The following VPS13B variants were observed in gnomAD, a reference collection of about 807,000 sequenced individuals.
The protein encoded by VPS13B is intermembrane lipid transfer protein VPS13B.
VPS13B carries 285 observed loss-of-function variants against 426.4 expected under a neutral mutation model. That is an observed-to-expected ratio of 0.67 (90% CI 0.61 to 0.74). The LOEUF is 0.74. Ranked by LOEUF, VPS13B falls within the 30% of genes least tolerant of loss-of-function variation. VPS13B has a pLI of 0.00. For synonymous variants in VPS13B, 1,676 were observed against 1,676.4 expected (o/e 1.00, Z 0.01); for missense variants, 4,537 against 4,782.6 (o/e 0.95, Z 1.51).
chr8:99,644,581 A>G (rs570509476), intron 34 of VPS13B, among the ~76,000 whole-genome samples: 1 of 152,202 alleles, frequency 6.6e-6, no homozygotes, highest in African/African-American at 2.4e-5. Flanking sequence ...TGGGGGGTAA[A>G]TGTAGGAGGA....
intron 39 of VPS13B, among the ~76,000 whole-genome samples, chr8:99,751,342 C>G (rs1294995004): frequency 6.6e-6 from 1 of 152,098 alleles, no homozygotes; most frequent in Non-Finnish European, 1.5e-5. Context: ...AGAAGAAGAT[C>G]TCTTCCACTG....
At chr8:99,792,054 A>G (rs768503145) in intron 43 of VPS13B, among the ~76,000 whole-genome samples, 3 of 152,190 alleles carry the variant, frequency 2.0e-5, no homozygotes, top group Non-Finnish European at 4.4e-5. Flanking sequence ...TGCATGGGGC[A>G]AACTGAATGC....
Position 99,200,976 on chromosome 8 carries a change from A to G in VPS13B, c.2515+7919A>G, listed in dbSNP as rs189087631. ...CTGATATTGATTCTTGGTCATCATCATTACTTTTAGTCCTTTTATTTTTTT... is the reference window on the plus strand; with the variant it reads ...CTGATATTGATTCTTGGTCATCATCGTTACTTTTAGTCCTTTTATTTTTTT... On this transcript the variant is annotated intron_variant, in intron 17 of 61. Transcript: ENST00000357162. 5.1e-4 allele frequency among the ~76,000 whole-genome samples: 77 copies of G among 152,100 alleles called. 1 individual carries two copies. The highest frequency in any genetic ancestry group is 1.9e-3 in the African/African-American group (77 of 41,536).
At chr8:99,090,472 G>T (rs1846083723) in intron 3 of VPS13B, among the ~76,000 whole-genome samples, 1 of 151,944 alleles carries the variant, frequency 6.6e-6, no homozygotes, top group Non-Finnish European at 1.5e-5. Flanking sequence ...GTTACACCAT[G>T]TTGGCCACAC....
chr8:99,675,926 G>A (rs1830914716), intron 35 of VPS13B, among the ~76,000 whole-genome samples: 1 of 151,852 alleles, frequency 6.6e-6, no homozygotes. Flanking sequence ...TACTTGTCAA[G>A]CAGTTCATAT....
At chr8:99,873,701 C>T (rs1427251669) in intron 61 of VPS13B, among the ~76,000 whole-genome samples, 8 of 152,196 alleles carry the variant, frequency 5.3e-5, no homozygotes, top group Admixed American at 5.2e-4. Context: ...CAAGAAAACT[C>T]AAGCTGCAGA....
At chr8:99,206,753 G>A (rs1003370534) in intron 17 of VPS13B, among the ~76,000 whole-genome samples, 1 of 152,106 alleles carries the variant, frequency 6.6e-6, no homozygotes, top group Admixed American at 6.6e-5. Context: ...AAAGGATTTT[G>A]GAGTTGTTGA....
rs117633033 is a variant in VPS13B at position 99,670,073 on chromosome 8, C to A, written c.6046+8582C>A. 2.1e-3 allele frequency among the ~76,000 whole-genome samples: 327 copies of A among 152,116 alleles called. 12 individuals carry two copies. The East Asian group carries it at 0.051, about 24-fold the overall frequency. On this transcript the variant is annotated intron_variant, in intron 35 of 61. Coordinates refer to ENST00000357162, the MANE Select transcript of VPS13B (RefSeq NM_152564.5). Reference sequence around the variant, plus strand: ...GTAGAAATTTTAAGTTGTTTACCCCCAAATAGATGTATTTTTTGAGTGCTT... The same window carrying A: ...GTAGAAATTTTAAGTTGTTTACCCCAAAATAGATGTATTTTTTGAGTGCTT...
intron 25 of VPS13B, among the ~76,000 whole-genome samples, chr8:99,485,713 AAC>A (rs1820265170): frequency 6.6e-6 from 1 of 152,212 alleles, no homozygotes; most frequent in Non-Finnish European, 1.5e-5. Context: ...TCTTATAATC[AAC>A]AGATTATCAG....
chr8:99,628,940 T>C (rs1828727658), intron 33 of VPS13B, among the ~76,000 whole-genome samples: 1 of 152,126 alleles, frequency 6.6e-6, no homozygotes, highest in South Asian at 2.1e-4. Flanking sequence ...ATTTTTTTTA[T>C]TTTTTGTAGT....
At chr8:99,073,663 A>G (rs1373354737) in intron 3 of VPS13B, among the ~76,000 whole-genome samples, 2 of 144,954 alleles carry the variant, frequency 1.4e-5, no homozygotes, top group Non-Finnish European at 3.0e-5. Context: ...AAAGCAGAGC[A>G]GTTTAACTTC....
chr8:99,188,626 A>G (rs1482905369), intron 16 of VPS13B, among the ~76,000 whole-genome samples: 3 of 152,142 alleles, frequency 2.0e-5, no homozygotes, highest in South Asian at 2.1e-4. Flanking sequence ...TGATAACTCA[A>G]TGTTCATCTT....
intron 21 of VPS13B, among the ~76,000 whole-genome samples, chr8:99,394,327 T>C (rs1814617008): frequency 6.6e-6 from 1 of 152,190 alleles, no homozygotes; most frequent in Non-Finnish European, 1.5e-5. Context: ...AAAGACCTGC[T>C]GATACTGCAC....
At chr8:99,821,146 A>G in intron 49 of VPS13B, 148 bp from the exon 50 acceptor site, 1 of 619,814 alleles carries the variant, frequency 1.6e-6, no homozygotes, top group African/African-American at 1.9e-5. Context: ...ACACACACAC[A>G]CACACACACA....
Position 99,103,105 on chromosome 8 carries a change from T to C in VPS13B, c.565T>C (p.Phe189Leu), listed in dbSNP as rs772480380. Residue 189 changes from phenylalanine (F) to leucine (L), a missense_variant, in exon 5 of 62, where the codon TTC becomes CTC. Phe to Leu is a conservative substitution (Grantham distance 22, BLOSUM62 0). Transcript: ENST00000357162. ...YTVGELWDRA[F>L]MDISATDLVL... ...AGTAGGTGAATTATGGGATCGTGCA[T>C]TCATGGATATTTCTGGTGAGTAAAT... 2.5e-6 allele frequency: 4 copies of C among 1,613,888 alleles called. No individual in the cohort carries two copies. The highest frequency in any genetic ancestry group is 3.4e-6 in the Non-Finnish European group (4 of 1,179,934).
At chr8:99,434,657 T>C (rs1817281728) in intron 22 of VPS13B, among the ~76,000 whole-genome samples, 1 of 152,182 alleles carries the variant, frequency 6.6e-6, no homozygotes, top group African/African-American at 2.4e-5. Context: ...GAGCCAATAA[T>C]CTTGATTTTA....
chr8:99,516,922 G>C (rs982031571), intron 29 of VPS13B, among the ~76,000 whole-genome samples: 5 of 151,218 alleles, frequency 3.3e-5, no homozygotes, highest in African/African-American at 1.2e-4. Context: ...AGCAATCTGT[G>C]CTTGTCACAG....
At chr8:99,176,403 C>T (rs1338561472) in intron 16 of VPS13B, among the ~76,000 whole-genome samples, 1 of 152,232 alleles carries the variant, frequency 6.6e-6, no homozygotes, top group East Asian at 1.9e-4. Flanking sequence ...TCCCAAAGTG[C>T]TGGGATTACA....
chr8:99,500,400 GATAATT>G (rs1279322720), intron 25 of VPS13B, among the ~76,000 whole-genome samples: 1 of 152,004 alleles, frequency 6.6e-6, no homozygotes, highest in African/African-American at 2.4e-5. Context: ...ACTTGATAAT[GATAATT>G]ATAACTACAA....
Sources: allele counts gnomAD v4.1 joint callset (sites outside exome capture counted in the v4.1 genomes callset), GRCh38; gene constraint gnomAD v4.1.1; transcripts MANE v1.5; gene names NCBI Gene and HGNC (gene_info 2026-07-23, HGNC 2026-07-21).